Variants in C1orf21 observed in about 807,000 individuals in gnomAD.
The protein encoded by C1orf21 is uncharacterized protein C1orf21.
In C1orf21, 3 loss-of-function variants were observed where a neutral mutation model predicts 18.7. The ratio of observed to expected loss-of-function variants is 0.16; its 90% CI spans 0.07 to 0.42. The LOEUF is 0.42. Among genes scored for constraint, C1orf21 ranks in the 10% least tolerant of loss-of-function variants. C1orf21 has a pLI of 0.99. For synonymous variants in C1orf21, 41 were observed against 46.4 expected (o/e 0.88, Z 0.47); for missense variants, 104 against 143.6 (o/e 0.72, Z 1.41).
intron 1 of C1orf21, among the ~76,000 whole-genome samples, chr1:184,436,872 A>C (rs1340982826): frequency 1.3e-5 from 2 of 152,160 alleles, no homozygotes; most frequent in African/African-American, 4.8e-5. Context: ...ATGGCATATG[A>C]TCATTTCAGA....
intron 1 of C1orf21, among the ~76,000 whole-genome samples, chr1:184,435,877 T>A (rs967106882): frequency 6.6e-6 from 1 of 152,198 alleles, no homozygotes; most frequent in African/African-American, 2.4e-5. Context: ...TCTGAACAAA[T>A]GTTTTTCTAA....
intron 3 of C1orf21, among the ~76,000 whole-genome samples, chr1:184,539,127 TG>T (rs1465162206): frequency 6.6e-6 from 1 of 152,172 alleles, no homozygotes; most frequent in Non-Finnish European, 1.5e-5. Flanking sequence ...TGATGTTCAC[TG>T]GGGTTTTTCA....
chr1:184,593,421 C>G (rs1659468923), intron 4 of C1orf21, among the ~76,000 whole-genome samples: 1 of 152,150 alleles, frequency 6.6e-6, no homozygotes, highest in Admixed American at 6.5e-5. Flanking sequence ...CATATAGGAT[C>G]AATTTACTGT....
intron 3 of C1orf21, among the ~76,000 whole-genome samples, chr1:184,587,551 T>C (rs1436708947): frequency 6.8e-6 from 1 of 147,578 alleles, no homozygotes; most frequent in Non-Finnish European, 1.5e-5. Context: ...TGTGTGTGTG[T>C]GTGTGTGTGT....
chr1:184,619,800 A>G lies in C1orf21; in HGVS notation c.*244A>G, dbSNP rs374189424. 4.4e-5 allele frequency: 18 copies of G among 411,144 alleles called. No homozygotes were observed. Among genetic ancestry groups the G allele is most frequent in the East Asian group, 2.7e-4 (6 of 22,440 alleles). 25.5% of individuals were successfully genotyped at this position (411,144 alleles called of 1,614,324 possible). On this transcript the variant is annotated 3_prime_UTR_variant, in exon 6 of 6. Coordinates refer to ENST00000235307, the MANE Select transcript of C1orf21 (RefSeq NM_030806.4). ...TTGCTGCTAGTTAAAACTTGTTGCA[A>G]CTTTTCACTTCTCTTGTGTCCAGGT... is the stretch of plus-strand genomic sequence containing the variant.
intron 3 of C1orf21, among the ~76,000 whole-genome samples, chr1:184,540,768 G>C (rs1658637282): frequency 6.6e-6 from 1 of 152,120 alleles, no homozygotes; most frequent in Non-Finnish European, 1.5e-5. Flanking sequence ...AGTTTATGAA[G>C]CTAAAAAGTT....
intron 2 of C1orf21, among the ~76,000 whole-genome samples, chr1:184,497,470 C>T (rs1270918787): frequency 3.3e-5 from 5 of 152,228 alleles, no homozygotes; most frequent in Admixed American, 6.5e-5. Flanking sequence ...TGCCTCCCCG[C>T]GTGCACACAC....
At chr1:184,606,207 A>G (rs1006666249) in intron 5 of C1orf21, among the ~76,000 whole-genome samples, 2 of 152,176 alleles carry the variant, frequency 1.3e-5, no homozygotes, top group African/African-American at 2.4e-5. Flanking sequence ...CTGAATCCCT[A>G]TATATTTTTT....
At chr1:184,420,595 CT>C (rs1157394240) in intron 1 of C1orf21, among the ~76,000 whole-genome samples, 1 of 152,114 alleles carries the variant, frequency 6.6e-6, no homozygotes, top group Non-Finnish European at 1.5e-5. Context: ...GCTTGCCTTA[CT>C]ATGAGGCCTT....
At chr1:184,597,370 T>C (rs1659530689) in intron 4 of C1orf21, among the ~76,000 whole-genome samples, 1 of 152,198 alleles carries the variant, frequency 6.6e-6, no homozygotes, top group South Asian at 2.1e-4. Flanking sequence ...GGCCCCACTG[T>C]CTGTCACAGG....
chr1:184,459,580 G>A (rs183238184), intron 1 of C1orf21, among the ~76,000 whole-genome samples: 3 of 152,290 alleles, frequency 2.0e-5, no homozygotes, highest in Admixed American at 2.0e-4. Context: ...GTATCTGTCT[G>A]TGACCATCTC....
intron 1 of C1orf21, among the ~76,000 whole-genome samples, chr1:184,400,680 TTTGTTG>T (rs140624178): frequency 4.7e-4 from 71 of 151,882 alleles, no homozygotes; most frequent in African/African-American, 1.5e-3. Context: ...TGGGGAATTT[TTTGTTG>T]TTGTTGTTGT....
chr1:184,506,850 T>C (rs1489899623), intron 2 of C1orf21, among the ~76,000 whole-genome samples: 1 of 152,156 alleles, frequency 6.6e-6, no homozygotes, highest in Non-Finnish European at 1.5e-5. Context: ...TTGCGGAGGC[T>C]AGGTCCCATC....
At chr1:184,406,097 C>A (rs1387194158) in intron 1 of C1orf21, among the ~76,000 whole-genome samples, 1 of 152,098 alleles carries the variant, frequency 6.6e-6, no homozygotes, top group South Asian at 2.1e-4. Flanking sequence ...TTTTATGATC[C>A]TCTGTGTGAA....
intron 1 of C1orf21, among the ~76,000 whole-genome samples, chr1:184,470,727 A>G (rs1344153416): frequency 6.6e-6 from 1 of 152,134 alleles, no homozygotes; most frequent in African/African-American, 2.4e-5. Context: ...AAAAATACAA[A>G]AATGATCCGG....
intron 4 of C1orf21, among the ~76,000 whole-genome samples, chr1:184,598,182 T>A (rs1169716567): frequency 1.3e-5 from 2 of 152,102 alleles, no homozygotes; most frequent in Admixed American, 6.6e-5. Context: ...GAAAGGAAAT[T>A]GTCTTCCTTT....
chr1:184,391,480 G>A (rs1333707173), intron 1 of C1orf21, among the ~76,000 whole-genome samples: 2 of 152,198 alleles, frequency 1.3e-5, no homozygotes, highest in Admixed American at 1.3e-4. Flanking sequence ...GCACTTGGAA[G>A]TCACTCAATG....
intron 3 of C1orf21, chr1:184,567,197 C>T: frequency 2.1e-6 from 1 of 471,978 alleles, no homozygotes; most frequent in Non-Finnish European, 4.3e-6. Flanking sequence ...TAGCCTAAGG[C>T]ACACAATGGC....
In C1orf21 at chr1:184,583,089, T is replaced by A. The variant is rs556956872; in HGVS notation, c.190-7650T>A. Among the ~76,000 whole-genome samples the A allele has an allele frequency of 7.8e-4, 119 of 152,304 alleles. 1 individual carries two copies. Among genetic ancestry groups the A allele is most frequent in the African/African-American group, 2.8e-3 (115 of 41,564 alleles). On this transcript the variant is annotated intron_variant, in intron 3 of 5. Transcript: ENST00000235307. ...CCTGACCTCAGGTGATCCGCCCGCCTCGGCCTCCCAGAGTGCTGGGATTAC... is the reference window on the plus strand; with the variant it reads ...CCTGACCTCAGGTGATCCGCCCGCCACGGCCTCCCAGAGTGCTGGGATTAC...
Sources: gnomAD v4.1 joint callset for allele counts (sites outside exome capture counted in the v4.1 genomes callset) on GRCh38, gnomAD v4.1.1 for gene constraint, MANE v1.5 for transcripts, NCBI Gene and HGNC (gene_info 2026-07-23, HGNC 2026-07-21) for gene names.